The following TBC1D32 variants were observed in gnomAD, a reference collection of about 807,000 sequenced individuals.
The protein encoded by TBC1D32 is protein broad-minded.
In TBC1D32, 151 loss-of-function variants were observed where a neutral mutation model predicts 170.3. That is an observed-to-expected ratio of 0.89 (90% CI 0.78 to 1.01). The LOEUF is 1.01. TBC1D32 is among the 50% of genes least tolerant of loss of function. The pLI is 0.00. For missense variants in TBC1D32, 1,464 were observed against 1,457.1 expected (o/e 1.00, Z -0.08); for synonymous variants, 498 against 488.0 (o/e 1.02, Z -0.27).
chr6:121,147,914 A>C (rs919640095), intron 24 of TBC1D32, among the ~76,000 whole-genome samples: 1 of 85,808 alleles, frequency 1.2e-5, no homozygotes, highest in Non-Finnish European at 2.9e-5. Flanking sequence ...TGTAACTTGT[A>C]TGTCTTTTTT....
chr6:121,096,852 T>C (rs997825300), intron 30 of TBC1D32, among the ~76,000 whole-genome samples: 2 of 152,064 alleles, frequency 1.3e-5, no homozygotes, highest in Non-Finnish European at 2.9e-5. Flanking sequence ...AACAGATATA[T>C]AGACCAATTG....
intron 15 of TBC1D32, among the ~76,000 whole-genome samples, chr6:121,269,599 C>T (rs966593759): frequency 2.8e-4 from 42 of 152,206 alleles, no homozygotes; most frequent in African/African-American, 1.0e-3. Context: ...CAGGAGCACC[C>T]AGATTCATAA....
intron 26 of TBC1D32, chr6:121,115,450 C>T (rs1271352435): frequency 5.0e-6 from 2 of 402,524 alleles, no homozygotes; most frequent in Non-Finnish European, 8.9e-6. Flanking sequence ...CCATAAAAAG[C>T]ATTGGAAAAC....
intron 15 of TBC1D32, among the ~76,000 whole-genome samples, chr6:121,269,290 A>T (rs1801006997): frequency 6.6e-6 from 1 of 152,188 alleles, no homozygotes; most frequent in African/African-American, 2.4e-5. Flanking sequence ...AATGGGCTAA[A>T]TGCTCCAATT....
intron 22 of TBC1D32, among the ~76,000 whole-genome samples, chr6:121,187,742 G>T (rs1391108948): frequency 7.8e-5 from 8 of 102,700 alleles, no homozygotes; most frequent in Non-Finnish European, 1.4e-4. Flanking sequence ...CATGAAGGCT[G>T]ATGCTCAGGG....
intron 24 of TBC1D32, among the ~76,000 whole-genome samples, chr6:121,143,205 T>C (rs894099943): frequency 1.3e-5 from 2 of 152,180 alleles, no homozygotes; most frequent in Non-Finnish European, 2.9e-5. Context: ...ATTTTTTGTG[T>C]GTGATGATCC....
chr6:121,124,951 A>G (rs76919564), intron 26 of TBC1D32, among the ~76,000 whole-genome samples: 2,662 of 152,168 alleles, frequency 0.017, 80 homozygotes, highest in African/African-American at 0.061. Flanking sequence ...GTTTTCTTGA[A>G]GTATGTTGAA....
At chr6:121,144,493 G>A (rs1332716324) in intron 24 of TBC1D32, among the ~76,000 whole-genome samples, 1 of 152,070 alleles carries the variant, frequency 6.6e-6, no homozygotes, top group Non-Finnish European at 1.5e-5. Context: ...AGACAGAGAC[G>A]AGTGCATGAA....
intron 21 of TBC1D32, among the ~76,000 whole-genome samples, chr6:121,211,424 G>C (rs565639212): frequency 6.6e-6 from 1 of 152,216 alleles, no homozygotes; most frequent in East Asian, 1.9e-4. Flanking sequence ...CCCAAGCAGT[G>C]TACACTGTAC....
intron 22 of TBC1D32, among the ~76,000 whole-genome samples, chr6:121,188,409 C>G (rs1037726210): frequency 6.6e-6 from 1 of 151,828 alleles, no homozygotes; most frequent in Admixed American, 6.6e-5. Flanking sequence ...CTTAAACTAC[C>G]AATAAATAAT....
intron 21 of TBC1D32, among the ~76,000 whole-genome samples, chr6:121,215,467 A>C (rs1169691229): frequency 6.6e-6 from 1 of 152,226 alleles, no homozygotes; most frequent in Non-Finnish European, 1.5e-5. Context: ...ATTTCATGAC[A>C]AAGACGCCAA....
Position 121,317,343 on chromosome 6 carries a change from T to G in TBC1D32, c.495+152A>C, listed in dbSNP as rs919374895. ...TATAATTCTATAAGATGTTATTTCA[T>G]GGACTAAATATTTAATATTAGGTTA... On this transcript the variant is annotated intron_variant, in intron 3 of 31. Coordinates refer to ENST00000398212, the MANE Select transcript of TBC1D32 (RefSeq NM_152730.6). 207 of 501,908 alleles carry G rather than the reference T, an allele frequency of 4.1e-4. No individual in the cohort carries two copies. In the East Asian group the frequency reaches 7.0e-3, roughly 17 times the overall value. 31.1% of individuals were successfully genotyped at this position (501,908 alleles called of 1,614,324 possible). A position where few individuals can be genotyped will look rare whatever the true frequency, so the allele number is the denominator to read the frequency against.
chr6:121,100,778 A>T (rs1033304790), intron 30 of TBC1D32, among the ~76,000 whole-genome samples: 1 of 152,158 alleles, frequency 6.6e-6, no homozygotes, highest in African/African-American at 2.4e-5. Flanking sequence ...AAACCCTTCA[A>T]AAAATCAATG....
intron 22 of TBC1D32, among the ~76,000 whole-genome samples, chr6:121,190,993 A>T (rs965724294): frequency 6.6e-6 from 1 of 151,974 alleles, no homozygotes; most frequent in Non-Finnish European, 1.5e-5. Context: ...TCTATACATC[A>T]CCATAAATTA....
intron 30 of TBC1D32, among the ~76,000 whole-genome samples, chr6:121,101,546 G>A (rs921735790): frequency 1.3e-5 from 2 of 152,110 alleles, no homozygotes; most frequent in African/African-American, 4.8e-5. Context: ...AGCCCTTCAT[G>A]CTAAAAACTC....
chr6:121,204,523 CA>C (rs1394883492), intron 22 of TBC1D32, among the ~76,000 whole-genome samples: 1 of 151,218 alleles, frequency 6.6e-6, no homozygotes, highest in Non-Finnish European at 1.5e-5. Flanking sequence ...TCTATGTTTA[CA>C]TATGACCAAA....
At chr6:121,173,967 T>C (rs758688522) in intron 22 of TBC1D32, among the ~76,000 whole-genome samples, 1 of 151,518 alleles carries the variant, frequency 6.6e-6, no homozygotes. Context: ...AAAAAAAAGT[T>C]GCCTTTAAAT....
intron 17 of TBC1D32, among the ~76,000 whole-genome samples, chr6:121,246,615 C>G (rs969965226): frequency 1.3e-5 from 2 of 151,238 alleles, no homozygotes; most frequent in East Asian, 1.9e-4. Flanking sequence ...ATGCAAAAAA[C>G]AAGTTAAAGA....
At chr6:121,135,601 T>G (rs1781965152) in intron 24 of TBC1D32, among the ~76,000 whole-genome samples, 1 of 152,170 alleles carries the variant, frequency 6.6e-6, no homozygotes, top group Non-Finnish European at 1.5e-5. Context: ...TGGATTAGAA[T>G]ACTGGAGAGA....
Sources: gnomAD v4.1 joint callset for allele counts (sites outside exome capture counted in the v4.1 genomes callset) on GRCh38, gnomAD v4.1.1 for gene constraint, MANE v1.5 for transcripts, NCBI Gene and HGNC (gene_info 2026-07-23, HGNC 2026-07-21) for gene names.